The following TTC39B variants were observed in gnomAD, a reference collection of about 807,000 sequenced individuals.
The protein encoded by TTC39B is tetratricopeptide repeat domain 39B.
Under a neutral mutation model 96.6 loss-of-function variants are expected in TTC39B, and 92 were observed. That is an observed-to-expected ratio of 0.95 (90% CI 0.80 to 1.13). The LOEUF (loss-of-function observed/expected upper bound fraction) is 1.13, where lower values mean the gene tolerates loss of function less well. Ranked by LOEUF, TTC39B falls within the 50% of genes most tolerant of loss-of-function variation. The pLI is 0.00. For missense variants in TTC39B, 955 were observed against 809.3 expected, an observed-to-expected ratio of 1.18 and a Z score of -2.18; for synonymous variants, 367 against 299.4, an observed-to-expected ratio of 1.23 and a Z score of -2.33.
At chr9:15,262,406 A>AT (rs1309444818) in intron 2 of TTC39B, among the ~76,000 whole-genome samples, 3 of 152,144 alleles carry the variant, frequency 2.0e-5, no homozygotes, top group African/African-American at 4.8e-5. Flanking sequence ...GCCTATTTTA[A>AT]TTTTTAAAAA....
intron 1 of TTC39B, among the ~76,000 whole-genome samples, chr9:15,268,927 C>T (rs1411264506): frequency 6.6e-6 from 1 of 152,136 alleles, no homozygotes; most frequent in Non-Finnish European, 1.5e-5. Flanking sequence ...CTCATTCTCC[C>T]TATCTACAGA....
intron 1 of TTC39B, among the ~76,000 whole-genome samples, chr9:15,295,631 A>G (rs912470226): frequency 6.6e-6 from 1 of 152,276 alleles, no homozygotes; most frequent in Non-Finnish European, 1.5e-5. Context: ...TAGCAGCAAG[A>G]CTTTAAAAGC....
intron 3 of TTC39B, among the ~76,000 whole-genome samples, chr9:15,215,413 TG>T (rs1482080155): frequency 3.5e-5 from 5 of 144,300 alleles, no homozygotes; most frequent in Non-Finnish European, 3.0e-5. Context: ...CAAAACTAGC[TG>T]GGTGTGGTGG....
chr9:15,167,513 G>T (rs1343512029), exon 20 of TTC39B: 1 of 152,264 alleles, frequency 6.6e-6, no homozygotes, highest in East Asian at 1.9e-4. Flanking sequence ...AGCACTTTGG[G>T]AGGCCAAGGC....
intron 14 of TTC39B, 71 bp downstream of exon 14, chr9:15,187,900 A>C: frequency 6.9e-7 from 1 of 1,444,960 alleles, no homozygotes; most frequent in Non-Finnish European, 9.2e-7. Context: ...CTGAGCAAAC[A>C]GTCCTAAATG....
rs144924860 is a variant in TTC39B at position 15,227,408 on chromosome 9, T to C, written c.276-1396A>G. ...CAGACTTCCCAATGCACTCTAATAT[T>C]TTACACTAGACATTCATTTTTATCT... On this transcript the variant is annotated intron_variant, in intron 2 of 19. Transcript: ENST00000512701. 1.1e-3 allele frequency among the ~76,000 whole-genome samples: 161 copies of C among 152,256 alleles called. 1 individual carries two copies. Among genetic ancestry groups the C allele is most frequent in the African/African-American group, 3.7e-3 (153 of 41,550 alleles).
intron 2 of TTC39B, among the ~76,000 whole-genome samples, chr9:15,257,443 G>T (rs1822790559): frequency 6.6e-6 from 1 of 151,314 alleles, no homozygotes. Flanking sequence ...GTTCAAAATT[G>T]GTCATATTAA....
At chr9:15,303,380 T>G (rs943010207) in intron 1 of TTC39B, among the ~76,000 whole-genome samples, 1 of 141,724 alleles carries the variant, frequency 7.1e-6, no homozygotes, top group African/African-American at 2.7e-5. Context: ...GAAAAGTGAT[T>G]TTTTTTTTTT....
At chr9:15,285,397 TAAG>T (rs1181613229) in intron 1 of TTC39B, among the ~76,000 whole-genome samples, 1 of 152,130 alleles carries the variant, frequency 6.6e-6, no homozygotes, top group East Asian at 1.9e-4. Flanking sequence ...GTTGCCAGAA[TAAG>T]AATATACACA....
chr9:15,172,219 T>C (rs1588829995), intron 19 of TTC39B, 110 bp from the exon 20 acceptor site: 2 of 635,410 alleles, frequency 3.1e-6, no homozygotes, highest in East Asian at 3.4e-5. Flanking sequence ...AACTCTAATA[T>C]ACATAACCGT....
intron 16 of TTC39B, among the ~76,000 whole-genome samples, chr9:15,183,854 G>A (rs1024552389): frequency 1.3e-5 from 2 of 152,142 alleles, no homozygotes; most frequent in Admixed American, 6.5e-5. Flanking sequence ...ATTACAGAGT[G>A]GTCATATTTT....
At chr9:15,164,565 T>C (rs932986034) in exon 20 of TTC39B, 2 of 152,152 alleles carry the variant, frequency 1.3e-5, no homozygotes, top group Non-Finnish European at 2.9e-5. Flanking sequence ...TAAATTTCAG[T>C]AATAAAAAAA....
intron 1 of TTC39B, among the ~76,000 whole-genome samples, chr9:15,296,458 A>C (rs548213462): frequency 6.6e-6 from 1 of 152,322 alleles, no homozygotes; most frequent in South Asian, 2.1e-4. Context: ...ATATTCCCCA[A>C]ATACAGAAGG....
chr9:15,258,964 TGAA>T (rs1563769739), intron 2 of TTC39B, among the ~76,000 whole-genome samples: 1 of 152,144 alleles, frequency 6.6e-6, no homozygotes, highest in African/African-American at 2.4e-5. Context: ...TGAATTTATA[TGAA>T]GAACTTCACA....
At chr9:15,258,841 C>T (rs1308898203) in intron 2 of TTC39B, among the ~76,000 whole-genome samples, 1 of 152,132 alleles carries the variant, frequency 6.6e-6, no homozygotes, top group Non-Finnish European at 1.5e-5. Context: ...AAGGAGCTTT[C>T]CTTCAGAGGC....
chr9:15,300,035 G>C (rs994609109), intron 1 of TTC39B, among the ~76,000 whole-genome samples: 1 of 152,310 alleles, frequency 6.6e-6, no homozygotes, highest in African/African-American at 2.4e-5. Context: ...TTGTTAACCT[G>C]AGCTGGAGTT....
chr9:15,256,365 C>T (rs1822751662), intron 2 of TTC39B, among the ~76,000 whole-genome samples: 2 of 152,132 alleles, frequency 1.3e-5, no homozygotes, highest in South Asian at 4.1e-4. Context: ...TTATAAATTA[C>T]CCAGTCTAAT....
intron 1 of TTC39B, among the ~76,000 whole-genome samples, chr9:15,297,289 T>C (rs977847301): frequency 6.6e-6 from 1 of 152,208 alleles, no homozygotes. Flanking sequence ...AGAAGACACA[T>C]GTCAAAAACT....
intron 7 of TTC39B, 115 bp downstream of exon 7, chr9:15,203,708 C>T: frequency 1.3e-6 from 1 of 753,796 alleles, no homozygotes; most frequent in South Asian, 2.4e-5. Flanking sequence ...AAATATTTGC[C>T]ATTACAACTC....
Sources: gnomAD v4.1 joint callset for allele counts (sites outside exome capture counted in the v4.1 genomes callset) on GRCh38, gnomAD v4.1.1 for gene constraint, MANE v1.5 for transcripts, NCBI Gene and HGNC (gene_info 2026-07-23, HGNC 2026-07-21) for gene names.